DSCAML1: variants seen among roughly 807,000 people sequenced by gnomAD.
DSCAML1 encodes the protein cell adhesion molecule DSCAML1.
In DSCAML1, 38 loss-of-function variants were observed where a neutral mutation model predicts 200.5. That is an observed-to-expected ratio of 0.19 (90% CI 0.15 to 0.25). The LOEUF is 0.25. Among genes scored for constraint, DSCAML1 ranks in the 10% least tolerant of loss-of-function variants. The pLI, the probability that DSCAML1 is intolerant of heterozygous loss-of-function variation, is 1.00. For missense variants in DSCAML1, 2,223 were observed against 2,858.8 expected (o/e 0.78, Z 5.07); for synonymous variants, 1,215 against 1,165.0 (o/e 1.04, Z -0.87).
At chr11:117,583,538 C>A (rs919851429) in intron 3 of DSCAML1, among the ~76,000 whole-genome samples, 9 of 152,200 alleles carry the variant, frequency 5.9e-5, no homozygotes, top group African/African-American at 2.2e-4. Flanking sequence ...CCGGCCTACG[C>A]GGCTCTCTCT....
intron 1 of DSCAML1, among the ~76,000 whole-genome samples, chr11:117,794,941 G>A (rs1315323836): frequency 3.9e-5 from 6 of 152,178 alleles, no homozygotes; most frequent in Admixed American, 3.3e-4. Flanking sequence ...CCGAGGAGCC[G>A]CCACAACTGG....
intron 16 of DSCAML1, among the ~76,000 whole-genome samples, chr11:117,468,442 G>A (rs187385169): frequency 3.8e-4 from 58 of 151,926 alleles, no homozygotes; most frequent in Admixed American, 3.5e-3. Flanking sequence ...AATTTTTATC[G>A]ACCTGTGGGT....
At chr11:117,496,268 C>T (rs1280744660) in intron 11 of DSCAML1, among the ~76,000 whole-genome samples, 1 of 152,152 alleles carries the variant, frequency 6.6e-6, no homozygotes, top group East Asian at 1.9e-4. Flanking sequence ...TCAATCTTGC[C>T]TTTCTCTCTG....
chr11:117,657,904 G>T (rs990421216), intron 3 of DSCAML1, among the ~76,000 whole-genome samples: 1 of 152,162 alleles, frequency 6.6e-6, no homozygotes, highest in Admixed American at 6.5e-5. Flanking sequence ...CTCCTGGAAT[G>T]TCAAGGAGGG....
At chr11:117,485,320 G>C (rs116226078) in intron 11 of DSCAML1, among the ~76,000 whole-genome samples, 2,513 of 152,258 alleles carry the variant, frequency 0.017, 69 homozygotes, top group African/African-American at 0.057. Flanking sequence ...TCTGTGTGTG[G>C]TAACAACCAT....
chr11:117,432,702 C>A (rs2047826788), intron 29 of DSCAML1, among the ~76,000 whole-genome samples, 198 bp from the exon 30 acceptor site: 1 of 151,862 alleles, frequency 6.6e-6, no homozygotes, highest in South Asian at 2.1e-4. Context: ...GCCTCAATCT[C>A]CTGGGCTCAA....
intron 3 of DSCAML1, among the ~76,000 whole-genome samples, chr11:117,722,392 G>A (rs2054055765): frequency 6.6e-6 from 1 of 152,088 alleles, no homozygotes; most frequent in Middle Eastern, 3.2e-3. Flanking sequence ...GGGGAGGGGA[G>A]CCAGGGAGAG....
chr11:117,486,617 G>A (rs2049073001), intron 11 of DSCAML1, among the ~76,000 whole-genome samples: 1 of 152,168 alleles, frequency 6.6e-6, no homozygotes, highest in Non-Finnish European at 1.5e-5. Flanking sequence ...GTTAATCTGG[G>A]AAGTGCAAGA....
intron 3 of DSCAML1, among the ~76,000 whole-genome samples, chr11:117,617,130 G>T (rs2051825144): frequency 6.6e-6 from 1 of 152,240 alleles, no homozygotes; most frequent in Non-Finnish European, 1.5e-5. Context: ...CAGAGAAGAA[G>T]ATGGGGGCCC....
chr11:117,681,446 C>T (rs2053311700), intron 3 of DSCAML1, among the ~76,000 whole-genome samples: 1 of 152,188 alleles, frequency 6.6e-6, no homozygotes. Context: ...TCTGGCTTGA[C>T]CACAGGGCAG....
At chr11:117,467,169 G>A (rs887894582) in intron 16 of DSCAML1, among the ~76,000 whole-genome samples, 15 of 148,360 alleles carry the variant, frequency 1.0e-4, no homozygotes, top group South Asian at 8.4e-4. Context: ...AGCCAGGTGC[G>A]CGCACGCATG....
intron 19 of DSCAML1, among the ~76,000 whole-genome samples, chr11:117,456,964 T>C (rs9667438): frequency 0.84 from 128,147 of 152,180 alleles, 54,286 homozygotes; most frequent in African/African-American, 0.89. Context: ...TGTGAGCCAC[T>C]GCATCCGGCC....
In DSCAML1 at chr11:117,505,055, G is replaced by A. The variant is rs761820523; in HGVS notation, c.2063-12C>T. 3.7e-6 allele frequency: 6 copies of A among 1,605,128 alleles called. No homozygotes were observed. Among genetic ancestry groups the A allele is most frequent in the East Asian group, 2.2e-5 (1 of 44,586 alleles). On this transcript the variant is annotated splice_polypyrimidine_tract_variant and intron_variant, in intron 9 of 32. Coordinates refer to ENST00000651296, the MANE Select transcript of DSCAML1 (RefSeq NM_020693.4). The surrounding 1 kb of genome is among the most constrained non-coding windows in gnomAD (Gnocchi z 6.7). ...AAATCGAGGGGGCACTGCAGAAAGA[G>A]GGAAGGTAGGGAAACAGACCATTTT... is the stretch of plus-strand genomic sequence containing the variant.
chr11:117,563,477 G>A (rs900542519), intron 3 of DSCAML1, among the ~76,000 whole-genome samples: 1 of 152,146 alleles, frequency 6.6e-6, no homozygotes, highest in African/African-American at 2.4e-5. Context: ...AAGCCCCTCT[G>A]CTTGTGAAGG....
chr11:117,508,427 G>A (rs1289949101), intron 8 of DSCAML1, among the ~76,000 whole-genome samples: 4 of 152,034 alleles, frequency 2.6e-5, no homozygotes, highest in Admixed American at 6.6e-5. Flanking sequence ...AGTGCTTGTC[G>A]GGTGAGGAAA....
chr11:117,694,382 G>A (rs985585165), intron 3 of DSCAML1, among the ~76,000 whole-genome samples: 6 of 151,368 alleles, frequency 4.0e-5, no homozygotes, highest in Admixed American at 6.6e-5. Context: ...CTCTAGCCTG[G>A]GCAACAGAGC....
intron 3 of DSCAML1, among the ~76,000 whole-genome samples, chr11:117,544,061 G>T (rs760974619): frequency 1.3e-5 from 2 of 152,126 alleles, no homozygotes; most frequent in Non-Finnish European, 2.9e-5. Context: ...AGCGAATAGG[G>T]TGAGGCTTTG....
chr11:117,460,864 G>C (rs955728181), intron 18 of DSCAML1, among the ~76,000 whole-genome samples: 3 of 152,116 alleles, frequency 2.0e-5, no homozygotes, highest in African/African-American at 7.2e-5. Context: ...GTTTGGCCAA[G>C]GGAGGCTCTC....
intron 3 of DSCAML1, among the ~76,000 whole-genome samples, chr11:117,590,688 C>G (rs935870100): frequency 1.3e-5 from 2 of 152,306 alleles, no homozygotes; most frequent in Admixed American, 6.5e-5. Context: ...GACTAAAGAA[C>G]TGCAGCAGAA....
Sources: allele counts gnomAD v4.1 joint callset (sites outside exome capture counted in the v4.1 genomes callset), GRCh38; gene constraint gnomAD v4.1.1; non-coding constraint Gnocchi (gnomAD v3.1); transcripts MANE v1.5; gene names NCBI Gene and HGNC (gene_info 2026-07-23, HGNC 2026-07-21).